The following ADAMTS6 variants were observed in gnomAD, a reference collection of about 807,000 sequenced individuals.
ADAMTS6 encodes A disintegrin and metalloproteinase with thrombospondin motifs 6.
Under a neutral mutation model 144.3 loss-of-function variants are expected in ADAMTS6, and 23 were observed. That is an observed-to-expected ratio of 0.16 (90% confidence interval 0.11 to 0.23). The LOEUF (loss-of-function observed/expected upper bound fraction) is 0.23. Among genes scored for constraint, ADAMTS6 ranks in the 10% least tolerant of loss-of-function variants. The probability of loss-of-function intolerance (pLI) is 1.00; values close to 1 mark genes in which losing one functional copy is unlikely to be tolerated. For missense variants in ADAMTS6, 999 were observed against 1,379.6 expected, an observed-to-expected ratio of 0.72 and a Z score of 4.37; for synonymous variants, 444 against 457.5, an observed-to-expected ratio of 0.97 and a Z score of 0.38.
At chr5:65,177,747 G>C (rs186069219) in intron 22 of ADAMTS6, among the ~76,000 whole-genome samples, 1 of 152,198 alleles carries the variant, frequency 6.6e-6, no homozygotes, top group Non-Finnish European at 1.5e-5. Flanking sequence ...GGTTGGAGTC[G>C]ATCAAATATT....
chr5:65,266,581 G>A (rs1761644357), intron 12 of ADAMTS6, among the ~76,000 whole-genome samples: 1 of 151,840 alleles, frequency 6.6e-6, no homozygotes, highest in African/African-American at 2.4e-5. Flanking sequence ...TTCAGTTCTA[G>A]CAATATCTTT....
chr5:65,345,608 T>A (rs1748244499), intron 7 of ADAMTS6, among the ~76,000 whole-genome samples: 1 of 151,746 alleles, frequency 6.6e-6, no homozygotes, highest in Non-Finnish European at 1.5e-5. Context: ...ATTTAGAAAC[T>A]TTTCTATAAT....
At chr5:65,334,802 C>T (rs572146697) in intron 7 of ADAMTS6, among the ~76,000 whole-genome samples, 10 of 152,206 alleles carry the variant, frequency 6.6e-5, no homozygotes, top group Non-Finnish European at 1.0e-4. Flanking sequence ...AAAAATATTA[C>T]ATTTCGAATC....
chr5:65,274,871 G>C (rs552160212), intron 11 of ADAMTS6, among the ~76,000 whole-genome samples: 266 of 152,216 alleles, frequency 1.7e-3, no homozygotes, highest in Non-Finnish European at 3.0e-3. Flanking sequence ...TTTCAGTAGA[G>C]ACAGGGTTTC....
chr5:65,348,749 A>G (rs574718499), intron 7 of ADAMTS6, among the ~76,000 whole-genome samples: 155 of 152,226 alleles, frequency 1.0e-3, no homozygotes, highest in African/African-American at 3.6e-3. Flanking sequence ...AGAACATAAC[A>G]TTGTACGCCA....
chr5:65,201,524 G>A (rs531168558), intron 20 of ADAMTS6, among the ~76,000 whole-genome samples: 2 of 152,182 alleles, frequency 1.3e-5, no homozygotes, highest in South Asian at 4.1e-4. Flanking sequence ...GGTCGGGGGT[G>A]GTTAAGGGCA....
intron 22 of ADAMTS6, among the ~76,000 whole-genome samples, chr5:65,178,968 T>C (rs1007177688): frequency 2.0e-5 from 3 of 151,622 alleles, no homozygotes; most frequent in African/African-American, 4.9e-5. Context: ...AGACCATCCT[T>C]GAACATCAGT....
In ADAMTS6 at chr5:65,464,584, G is replaced by A. The variant is rs78840575; in HGVS notation, c.463-4246C>T. ...AAAGATGTGATATTTGCCCACTTCA[G>A]TTCACAATCCCCCTGAATCCCATCC... On this transcript the variant is annotated intron_variant, in intron 3 of 24. Transcript: ENST00000381055. Among the ~76,000 whole-genome samples the A allele has an allele frequency of 2.3e-4, 35 of 152,174 alleles. No homozygotes were observed. The East Asian group carries it at 6.0e-3, about 26-fold the overall frequency.
intron 7 of ADAMTS6, among the ~76,000 whole-genome samples, chr5:65,431,971 T>G (rs950789981): frequency 3.3e-5 from 5 of 152,080 alleles, no homozygotes; most frequent in African/African-American, 7.2e-5. Flanking sequence ...TGCATGAAAG[T>G]TGAGAAGAGA....
intron 24 of ADAMTS6, among the ~76,000 whole-genome samples, chr5:65,170,411 G>A (rs1235839192): frequency 6.6e-6 from 1 of 152,174 alleles, no homozygotes; most frequent in Non-Finnish European, 1.5e-5. Context: ...CTCCAGAGAG[G>A]TTAAGTGACT....
chr5:65,358,415 A>T (rs1035573161), intron 7 of ADAMTS6, among the ~76,000 whole-genome samples: 3 of 151,780 alleles, frequency 2.0e-5, no homozygotes, highest in Admixed American at 2.0e-4. Context: ...ACAAGACCAA[A>T]ATGTGCAATC....
intron 7 of ADAMTS6, among the ~76,000 whole-genome samples, chr5:65,441,598 G>A (rs1023355318): frequency 2.0e-5 from 3 of 151,808 alleles, no homozygotes; most frequent in South Asian, 4.1e-4. Flanking sequence ...TAGAAAATTC[G>A]ATCCAACAAT....
intron 7 of ADAMTS6, among the ~76,000 whole-genome samples, chr5:65,375,828 A>T (rs1186141312): frequency 6.6e-6 from 1 of 152,238 alleles, no homozygotes; most frequent in South Asian, 2.1e-4. Context: ...TTATTACGGC[A>T]TTATTCACAA....
intron 7 of ADAMTS6, among the ~76,000 whole-genome samples, chr5:65,393,592 G>A (rs967839858): frequency 1.4e-4 from 21 of 151,972 alleles, no homozygotes; most frequent in Non-Finnish European, 7.4e-5. Context: ...CAGTGCCTTG[G>A]GAAATAAAAT....
intron 22 of ADAMTS6, among the ~76,000 whole-genome samples, chr5:65,185,565 T>A (rs1487243009): frequency 6.6e-6 from 1 of 152,188 alleles, no homozygotes; most frequent in African/African-American, 2.4e-5. Context: ...CAGCACCATT[T>A]CTTGCCCCTA....
At chr5:65,258,674 T>A (rs2112580700) in intron 14 of ADAMTS6, among the ~76,000 whole-genome samples, 1 of 152,200 alleles carries the variant, frequency 6.6e-6, no homozygotes, top group South Asian at 2.1e-4. Flanking sequence ...AAGGCAAAAC[T>A]AATGGGATTT....
rs113312690 is a variant in ADAMTS6, at chr5:65,430,422, C to T, written c.1073+21053G>A. 2.9e-3 allele frequency among the ~76,000 whole-genome samples: 444 copies of T among 152,212 alleles called. 4 individuals are homozygous for T. The highest frequency in any genetic ancestry group is 0.01 in the African/African-American group (424 of 41,548). ...AAGGCTGAAAACAATGACAATGTGC[C>T]TACTTGGAACACTCCCACCCTCCTT... On this transcript the variant is annotated intron_variant, in intron 7 of 24. Transcript: ENST00000381055.
At chr5:65,258,163 A>T (rs1760855585) in intron 14 of ADAMTS6, among the ~76,000 whole-genome samples, 1 of 152,152 alleles carries the variant, frequency 6.6e-6, no homozygotes, top group Non-Finnish European at 1.5e-5. Flanking sequence ...GGAGTCCTAG[A>T]GTTGTAGGGA....
In ADAMTS6 at chr5:65,451,554, T is replaced by A; in HGVS notation, c.994A>T (p.Ile332Phe). 1.2e-6 allele frequency: 2 copies of A among 1,613,532 alleles called. No individual in the cohort carries two copies. The highest frequency in any genetic ancestry group is 1.7e-6 in the Non-Finnish European group (2 of 1,179,774). ...LDSFCKWQKS[I>F]LSHQSDGNTI... is the part of the protein sequence containing the mutation. ...TTTCCATCACTTTGGTGGGAGAGAA[T>A]GGATTTCTGCCATTTACAGAAGCTA... Residue 332 changes from isoleucine to phenylalanine, a missense_variant, in exon 7 of 25, where the codon ATT becomes TTT. By Grantham distance (21) the Ile-to-Phe change is conservative. Coordinates refer to ENST00000381055, the MANE Select transcript of ADAMTS6 (RefSeq NM_197941.4).
Sources: allele counts gnomAD v4.1 joint callset (sites outside exome capture counted in the v4.1 genomes callset), GRCh38; gene constraint gnomAD v4.1.1; transcripts MANE v1.5; gene names NCBI Gene and HGNC (gene_info 2026-07-23, HGNC 2026-07-21).